Variants in OTOGL observed in about 807,000 individuals in gnomAD.
The protein encoded by OTOGL is otogelin like.
A neutral mutation model predicts 318.5 loss-of-function variants in OTOGL; 285 were observed. The ratio of observed to expected loss-of-function variants is 0.89; its 90% CI spans 0.81 to 0.99. OTOGL has a LOEUF of 0.99. Ranked by LOEUF, OTOGL falls within the 50% of genes least tolerant of loss-of-function variation. The probability of loss-of-function intolerance (pLI) is 0.00; values close to 1 mark genes in which losing one functional copy is unlikely to be tolerated. For missense variants in OTOGL, 2,899 were observed against 2,845.6 expected (o/e 1.02, Z -0.43); for synonymous variants, 987 against 936.5 (o/e 1.05, Z -0.99).
chr12:80,209,300 T>C (rs1045449546), intron 1 of OTOGL, 113 bp from the exon 2 acceptor site: 16 of 553,052 alleles, frequency 2.9e-5, no homozygotes, highest in Non-Finnish European at 4.3e-5. Flanking sequence ...CTGGAATTCC[T>C]TTTTGAATTA....
intron 7 of OTOGL, among the ~76,000 whole-genome samples, chr12:80,222,930 G>A (rs1878486806): frequency 7.0e-6 from 1 of 141,924 alleles, no homozygotes; most frequent in Non-Finnish European, 1.5e-5. Flanking sequence ...AGGTTTTTGG[G>A]GGAAGAGATG....
intron 1 of OTOGL, among the ~76,000 whole-genome samples, chr12:80,158,517 A>G (rs1565882727): frequency 6.6e-6 from 1 of 152,080 alleles, no homozygotes; most frequent in Non-Finnish European, 1.5e-5. Flanking sequence ...AGGTAAAGGC[A>G]TTCTGAGTAT....
intron 1 of OTOGL, among the ~76,000 whole-genome samples, chr12:80,147,033 GT>G (rs1872427747): frequency 1.3e-5 from 2 of 151,050 alleles, no homozygotes; most frequent in Non-Finnish European, 3.0e-5. Context: ...TTTTTGAAGG[GT>G]TTTTTGTGTC....
At chr12:80,350,088 A>G (rs1889450244) in intron 44 of OTOGL, among the ~76,000 whole-genome samples, 1 of 152,200 alleles carries the variant, frequency 6.6e-6, no homozygotes, top group Non-Finnish European at 1.5e-5. Context: ...CCTGGTAACC[A>G]TAATTCCTTG....
chr12:80,215,680 A>G (rs901112334), intron 4 of OTOGL, among the ~76,000 whole-genome samples: 7 of 152,170 alleles, frequency 4.6e-5, no homozygotes, highest in Non-Finnish European at 8.8e-5. Flanking sequence ...TTTAGTGAGT[A>G]TCAGAGATGA....
At chr12:80,108,150 C>T (rs890109650) in intron 1 of OTOGL, among the ~76,000 whole-genome samples, 1 of 152,016 alleles carries the variant, frequency 6.6e-6, no homozygotes, top group African/African-American at 2.4e-5. Flanking sequence ...AGGAAGTTGG[C>T]AAATAGATTT....
chr12:80,242,540 T>C (rs1032702758), intron 11 of OTOGL, among the ~76,000 whole-genome samples: 2 of 152,142 alleles, frequency 1.3e-5, no homozygotes, highest in African/African-American at 4.8e-5. Flanking sequence ...ATTCTCTTCA[T>C]TTCCTGTATT....
At chr12:80,328,173 G>C (rs1887821760) in intron 35 of OTOGL, among the ~76,000 whole-genome samples, 1 of 151,698 alleles carries the variant, frequency 6.6e-6, no homozygotes, top group African/African-American at 2.4e-5. Flanking sequence ...GAAAAAATTA[G>C]CCAGGCATGA....
intron 34 of OTOGL, among the ~76,000 whole-genome samples, chr12:80,322,344 G>A (rs780432715): frequency 6.6e-6 from 1 of 152,082 alleles, no homozygotes; most frequent in African/African-American, 2.4e-5. Flanking sequence ...AGACCTAGTA[G>A]CCCCATTTGA....
intron 29 of OTOGL, among the ~76,000 whole-genome samples, chr12:80,310,175 C>A (rs1315191837): frequency 6.6e-6 from 1 of 152,038 alleles, no homozygotes; most frequent in African/African-American, 2.4e-5. Context: ...TTTTTCAGGG[C>A]AGTTTCAGGG....
At chr12:80,331,100 TAA>T (rs1888039789) in intron 37 of OTOGL, among the ~76,000 whole-genome samples, 2 of 152,250 alleles carry the variant, frequency 1.3e-5, no homozygotes, top group South Asian at 2.1e-4. Flanking sequence ...CAGAAATTGA[TAA>T]GTTAACCCTA....
At chr12:80,143,891 T>A (rs1340345765) in intron 1 of OTOGL, among the ~76,000 whole-genome samples, 1 of 152,174 alleles carries the variant, frequency 6.6e-6, no homozygotes, top group Admixed American at 6.5e-5. Context: ...TCAGGTGTAC[T>A]GTTTTTATAT....
At chr12:80,329,225 A>G (rs1382471127) in intron 37 of OTOGL, 106 bp downstream of exon 37, 4 of 849,688 alleles carry the variant, frequency 4.7e-6, no homozygotes, top group African/African-American at 1.8e-5. Context: ...AATACTACCT[A>G]TGGGCTAGGA....
At chr12:80,132,256 T>C (rs1871285755) in intron 1 of OTOGL, 1 of 152,250 alleles carries the variant, frequency 6.6e-6, no homozygotes, top group Non-Finnish European at 1.5e-5. Flanking sequence ...TTATATGCCA[T>C]CATTTAAACT....
chr12:80,351,800 T>C (rs1889569190), intron 44 of OTOGL, among the ~76,000 whole-genome samples: 1 of 152,134 alleles, frequency 6.6e-6, no homozygotes, highest in Non-Finnish European at 1.5e-5. Flanking sequence ...ACATATTCTA[T>C]AGGAAAAAAA....
In OTOGL at chr12:80,255,170, A is replaced by C. The variant is rs1489216333; in HGVS notation, c.1572A>C (p.Lys524Asn). 2 of 1,515,014 alleles carry C rather than the reference A, an allele frequency of 1.3e-6. No homozygotes were observed. The highest frequency in any genetic ancestry group is 2.8e-5 in the African/African-American group (2 of 70,922). 93.8% of individuals were successfully genotyped at this position (1,515,014 alleles called of 1,614,324 possible). A position where few individuals can be genotyped will look rare whatever the true frequency, so the allele number is the denominator to read the frequency against. Reference protein sequence around the residue: ...GKDKFTITLQKAPCEQNLGLV... With the variant: ...GKDKFTITLQNAPCEQNLGLV... ...ATAAATTCACGATTACTTTACAGAA[A>C]GCTCCCTGTGAGCAGGTAAGAACAT... The change falls in exon 16 of 59, where the codon AAA becomes AAC. Residue 524 changes from lysine (K) to asparagine (N), a missense_variant. This residue lies in a region of OTOGL where 2,607 missense variants were observed against 2,524.9 expected (regional missense o/e 1.03). Transcript: ENST00000547103.
At chr12:80,244,287 A>G (rs1880664151) in intron 11 of OTOGL, among the ~76,000 whole-genome samples, 1 of 148,450 alleles carries the variant, frequency 6.7e-6, no homozygotes, top group South Asian at 2.2e-4. Flanking sequence ...ATCATCTAGC[A>G]TTAGGTATAT....
intron 30 of OTOGL, 47 bp downstream of exon 30, chr12:80,310,774 G>T (rs751137232): frequency 1.4e-6 from 2 of 1,440,582 alleles, no homozygotes; most frequent in South Asian, 2.3e-5. Flanking sequence ...ATGTTCTACT[G>T]TGTCTATAAT....
intron 29 of OTOGL, 43 bp from the exon 30 acceptor site, chr12:80,310,568 G>A: frequency 7.4e-7 from 1 of 1,354,414 alleles, no homozygotes; most frequent in Non-Finnish European, 1.0e-6. Context: ...TTGAGAAATT[G>A]TCCCTTTGAA....
Sources: gnomAD v4.1 joint callset for allele counts (sites outside exome capture counted in the v4.1 genomes callset) on GRCh38, gnomAD v4.1.1 for gene constraint, gnomAD v4.1.1 regional missense constraint, MANE v1.5 for transcripts, NCBI Gene and HGNC (gene_info 2026-07-23, HGNC 2026-07-21) for gene names.